Variants in CNOT1 observed in about 807,000 individuals in gnomAD.
CNOT1 encodes the protein CCR4-associated factor 1.
In CNOT1, 15 loss-of-function variants were observed where a neutral mutation model predicts 273.8. The observed-to-expected ratio is 0.05, with a 90% CI of 0.04 to 0.08. The LOEUF is 0.08. Among genes scored for constraint, CNOT1 ranks in the 10% least tolerant of loss-of-function variants. The pLI is 1.00. For missense variants in CNOT1, 1,644 were observed against 2,912.2 expected, an observed-to-expected ratio of 0.56 and a Z score of 10.02; for synonymous variants, 1,022 against 1,005.5, an observed-to-expected ratio of 1.02 and a Z score of -0.31.
Position 58,547,103 on chromosome 16 carries a change from TAAG to T in CNOT1, c.3750+80_3750+82del. On this transcript the variant is annotated intron_variant, in intron 27 of 48. Coordinates refer to ENST00000317147, the MANE Select transcript of CNOT1 (RefSeq NM_016284.5). The surrounding 1 kb of genome is among the most constrained non-coding windows in gnomAD (Gnocchi z 4.0). Reference sequence around the variant, plus strand: ...TTAACTAGCTTTACCTCACAAGAACTAAGAATATAATCTCTTGACCTCATGCTA... The same window carrying T: ...TTAACTAGCTTTACCTCACAAGAACTAATATAATCTCTTGACCTCATGCTA... 1 of 1,510,254 alleles carries T rather than the reference TAAG, an allele frequency of 6.6e-7. No homozygotes were observed. 93.6% of individuals were successfully genotyped at this position (1,510,254 alleles called of 1,614,324 possible).
chr16:58,541,258 C>T (rs993584333), intron 34 of CNOT1, among the ~76,000 whole-genome samples: 5 of 152,002 alleles, frequency 3.3e-5, no homozygotes, highest in African/African-American at 1.2e-4. Flanking sequence ...ATTATGTTAC[C>T]ATGAGAATTC....
At chr16:58,575,275 C>G in intron 14 of CNOT1, 146 bp from the exon 15 acceptor site, 1 of 1,190,312 alleles carries the variant, frequency 8.4e-7, no homozygotes, top group East Asian at 2.6e-5. Context: ...CAGCTAAGCA[C>G]AATTCAGGGG....
chr16:58,578,740 G>A lies in CNOT1; in HGVS notation c.1543C>T (p.Pro515Ser). Residue 515 changes from proline (P) to serine (S), a missense_variant, in exon 13 of 49, where the codon CCT (proline) becomes TCT (serine). Around this residue, in one of 13 missense-constraint regions of CNOT1, gnomAD observed 706 missense variants for 1,021.2 expected, o/e 0.69. Coordinates refer to ENST00000317147, the MANE Select transcript of CNOT1 (RefSeq NM_016284.5). ...TAGTGCAAAATAATAGCTGAGTTAG[G>A]ATGGTTTCCAAGGAAAATTGGCATC... is the stretch of plus-strand genomic sequence containing the variant. ...TLMPIFLGNH[P>S]NSAIILHYAW... 2 of 1,614,154 alleles carry A rather than the reference G, an allele frequency of 1.2e-6. No homozygotes were observed. The highest frequency in any genetic ancestry group is 1.6e-4 in the Middle Eastern group (1 of 6,062).
At chr16:58,536,923 T>C (rs1229656287) in intron 39 of CNOT1, 66 bp downstream of exon 39, 10 of 1,578,376 alleles carry the variant, frequency 6.3e-6, no homozygotes, top group Non-Finnish European at 8.6e-6. Context: ...TACTGAGCTT[T>C]AATATTGGAG....
chr16:58,524,363 TA>T (rs1389303763), intron 46 of CNOT1, among the ~76,000 whole-genome samples: 2 of 151,944 alleles, frequency 1.3e-5, no homozygotes, highest in African/African-American at 4.8e-5. Context: ...GAATAAGTAT[TA>T]TCTTAATTGG....
chr16:58,589,003 C>T (rs113479751), intron 2 of CNOT1, 97 bp from the exon 3 acceptor site: 20,444 of 1,376,858 alleles, frequency 0.015, 183 homozygotes, highest in South Asian at 0.021. Flanking sequence ...AGGCAAAATT[C>T]CAATTTACAT....
At chr16:58,562,157 T>C (rs761648486) in intron 16 of CNOT1, among the ~76,000 whole-genome samples, 29 of 147,998 alleles carry the variant, frequency 2.0e-4, no homozygotes, top group Non-Finnish European at 3.6e-4. Context: ...TACTCCAGCC[T>C]GGGCAACAGA....
At chr16:58,545,336 G>A (rs766475859) in intron 30 of CNOT1, 25 bp downstream of exon 30, 1 of 1,605,576 alleles carries the variant, frequency 6.2e-7, no homozygotes, top group Non-Finnish European at 8.5e-7. Context: ...CTAGAAGCTG[G>A]GAGAATGGAG....
chr16:58,603,982 G>A (rs1394224425), intron 1 of CNOT1, among the ~76,000 whole-genome samples: 1 of 152,128 alleles, frequency 6.6e-6, no homozygotes, highest in African/African-American at 2.4e-5. Context: ...CCCATAGTAA[G>A]AACTCACTAA....
At chr16:58,616,614 T>C (rs973109849) in intron 1 of CNOT1, among the ~76,000 whole-genome samples, 6 of 152,166 alleles carry the variant, frequency 3.9e-5, no homozygotes, top group African/African-American at 1.2e-4. Context: ...TTTGGGAAAT[T>C]CCTTCTGCCT....
intron 1 of CNOT1, among the ~76,000 whole-genome samples, chr16:58,628,127 C>A (rs1039474805): frequency 6.6e-6 from 1 of 152,180 alleles, no homozygotes; most frequent in African/African-American, 2.4e-5. Flanking sequence ...CGCGCCCAGT[C>A]GATTCTAGAC....
At chr16:58,594,576 G>T (rs2042182892) in intron 2 of CNOT1, among the ~76,000 whole-genome samples, 1 of 151,968 alleles carries the variant, frequency 6.6e-6, no homozygotes, top group African/African-American at 2.4e-5. Flanking sequence ...GGCTGAGGCG[G>T]GTAGATCACA....
intron 16 of CNOT1, among the ~76,000 whole-genome samples, chr16:58,571,213 T>G (rs979882620): frequency 5.3e-5 from 8 of 152,012 alleles, no homozygotes; most frequent in African/African-American, 1.9e-4. Context: ...AAAAAAACTG[T>G]TAATAGAGAC....
rs66711143 is a variant in CNOT1, at chr16:58,601,734, T to TAAAAAAAAAAAAAAAAAAAAAAAA, written c.-174-2224_-174-2223insTTTTTTTTTTTTTTTTTTTTTTTT. ...ATATGCTAGTGCTCCATACCCACCT[T>TAAAAAAAAAAAAAAAAAAAAAAAA]AAAAAAAAAAAAAAAAAAAAGCCTG... On this transcript the variant is annotated intron_variant, in intron 1 of 48. Transcript: ENST00000317147. Among the ~76,000 whole-genome samples the TAAAAAAAAAAAAAAAAAAAAAAAA allele has an allele frequency of 5.5e-5, 5 of 91,506 alleles. 1 individual carries two copies. Among genetic ancestry groups the TAAAAAAAAAAAAAAAAAAAAAAAA allele is most frequent in the East Asian group, 2.6e-4 (1 of 3,776 alleles). 60.0% of individuals were successfully genotyped at this position (91,506 alleles called of 152,430 possible).
At chr16:58,610,736 G>A (rs990683568) in intron 1 of CNOT1, among the ~76,000 whole-genome samples, 6 of 151,866 alleles carry the variant, frequency 4.0e-5, no homozygotes, top group South Asian at 2.1e-4. Context: ...CCAGCTATTC[G>A]GGAGGCTGAG....
At chr16:58,551,446 T>TG in intron 23 of CNOT1, 143 bp downstream of exon 23, 1 of 1,199,002 alleles carries the variant, frequency 8.3e-7, no homozygotes. Flanking sequence ...AATATAAGGA[T>TG]GGGAGATACA....
intron 2 of CNOT1, among the ~76,000 whole-genome samples, chr16:58,589,684 C>T (rs760762718): frequency 6.6e-6 from 1 of 152,010 alleles, no homozygotes; most frequent in Non-Finnish European, 1.5e-5. Context: ...AACAATTTTA[C>T]GTAACTCAAA....
At chr16:58,589,407 C>A (rs1181311592) in intron 2 of CNOT1, among the ~76,000 whole-genome samples, 1 of 151,844 alleles carries the variant, frequency 6.6e-6, no homozygotes, top group Non-Finnish European at 1.5e-5. Context: ...CAGCTACTCG[C>A]GAGGCTGAGG....
chr16:58,528,087 T>G (rs1393825582), intron 44 of CNOT1: 1 of 455,026 alleles, frequency 2.2e-6, no homozygotes, highest in Non-Finnish European at 4.4e-6. Context: ...CACTCCAGCC[T>G]GGGTCACAGA....
Sources: allele counts gnomAD v4.1 joint callset (sites outside exome capture counted in the v4.1 genomes callset), GRCh38; gene constraint gnomAD v4.1.1; regional missense constraint gnomAD v4.1.1; non-coding constraint Gnocchi (gnomAD v3.1); transcripts MANE v1.5; gene names NCBI Gene and HGNC (gene_info 2026-07-23, HGNC 2026-07-21).